The following LAMA1 variants were observed in gnomAD, a reference collection of about 807,000 sequenced individuals.
LAMA1 encodes laminin subunit alpha-1.
In LAMA1, 219 loss-of-function variants were observed where a neutral mutation model predicts 348.7. The observed-to-expected ratio is 0.63, with a 90% confidence interval of 0.56 to 0.70. The LOEUF (loss-of-function observed/expected upper bound fraction) is 0.70. LAMA1 is among the 30% of genes least tolerant of loss of function. LAMA1 has a pLI of 0.00. For missense variants in LAMA1, 3,744 were observed against 3,888.0 expected (o/e 0.96, Z 0.99); for synonymous variants, 1,487 against 1,491.0 (o/e 1.00, Z 0.06).
chr18:7,071,079 T>C (rs1207616507), intron 3 of LAMA1, among the ~76,000 whole-genome samples: 1 of 152,144 alleles, frequency 6.6e-6, no homozygotes, highest in East Asian at 1.9e-4. Flanking sequence ...AAGAGGGAAT[T>C]GCAAGAGCTC....
rs2144107278 is a variant in LAMA1 at position 7,007,224 on chromosome 18, C to T, written c.4175G>A (p.Gly1392Glu). ...ACAAGGAGCAACCAGAGGGCGTGGT[C>T]CCCTGTCACTCCCTGCTGGGAGCTT... ...RGKLPAGSDRGPRPLVAPCVP... is the reference protein window; with the variant it reads ...RGKLPAGSDREPRPLVAPCVP... Residue 1392 changes from glycine to glutamate, a missense_variant, in exon 29 of 63, where the codon GGA becomes GAA. By Grantham distance (98) the Gly-to-Glu change is moderately conservative. This residue lies in a region of LAMA1 where 1,983 missense variants were observed against 1,934.3 expected (regional missense o/e 1.03). Coordinates refer to ENST00000389658, the MANE Select transcript of LAMA1 (RefSeq NM_005559.4). The T allele has an allele frequency of 6.2e-7, 1 of 1,614,108 alleles. No homozygotes were observed. Among genetic ancestry groups the T allele is most frequent in the Admixed American group, 1.7e-5 (1 of 60,012 alleles).
intron 48 of LAMA1, among the ~76,000 whole-genome samples, chr18:6,969,481 T>A (rs527288034): frequency 6.6e-6 from 1 of 152,352 alleles, no homozygotes; most frequent in African/African-American, 2.4e-5. Context: ...AACATGCTTA[T>A]TTTTTTAACT....
chr18:6,993,600 G>A, intron 35 of LAMA1, 41 bp downstream of exon 35: 1 of 1,347,652 alleles, frequency 7.4e-7, no homozygotes, highest in Non-Finnish European at 1.1e-6. Flanking sequence ...CTTCTTACTA[G>A]ATAAGCACAG....
At chr18:7,100,589 A>T (rs1244954690) in intron 1 of LAMA1, among the ~76,000 whole-genome samples, 3 of 152,170 alleles carry the variant, frequency 2.0e-5, no homozygotes. Flanking sequence ...TCAACTGATG[A>T]CTGAATAAAT....
intron 41 of LAMA1, 54 bp from the exon 42 acceptor site, chr18:6,980,691 C>T: frequency 9.9e-7 from 1 of 1,006,636 alleles, no homozygotes; most frequent in Non-Finnish European, 1.6e-6. Context: ...AAAAAGTTGC[C>T]TAGGCAACAG....
chr18:6,978,315 C>T lies in LAMA1; in HGVS notation c.6071G>A (p.Ser2024Asn). The change falls in exon 43 of 63, where the codon AGC (serine) becomes AAC (asparagine). Residue 2024 changes from serine to asparagine, a missense_variant. Physicochemically the swap from Ser to Asn is conservative, Grantham distance 46. Transcript: ENST00000389658. ...CAGCCCCGCCACGTCCCTCAGCGTG[C>T]TCACCGCGCTCTGGCTTGCAGACGT... ...LATSASQSAV[S>N]TLRDVAGLSQ... 2.5e-6 allele frequency: 4 copies of T among 1,614,250 alleles called. No homozygotes were observed. Among genetic ancestry groups the T allele is most frequent in the Non-Finnish European group, 3.4e-6 (4 of 1,180,046 alleles).
chr18:6,949,138 C>G lies in LAMA1; in HGVS notation c.8519G>C (p.Gly2840Ala). 1 of 1,614,172 alleles carries G rather than the reference C, an allele frequency of 6.2e-7. No homozygotes were observed. The highest frequency in any genetic ancestry group is 2.2e-5 in the East Asian group (1 of 44,884). ...LDVEGLFYLG[G>A]LPSQYQARKI... The stretch of plus-strand genomic sequence containing the variant: ...CCTGGCCTGGTACTGGGAGGGCAGG[C>G]CTCCTAGGTAGAACAAACCCTCCAC... The change falls in exon 59 of 63, where the codon GGC becomes GCC. Residue 2840 changes from glycine to alanine, a missense_variant. Physicochemically the swap from Gly to Ala is moderately conservative, Grantham distance 60 (BLOSUM62 0). Coordinates refer to ENST00000389658, the MANE Select transcript of LAMA1 (RefSeq NM_005559.4).
At chr18:7,083,515 T>G (rs1313151241) in intron 1 of LAMA1, among the ~76,000 whole-genome samples, 1 of 152,114 alleles carries the variant, frequency 6.6e-6, no homozygotes, top group African/African-American at 2.4e-5. Context: ...AAAGAAAGAT[T>G]GCTTTTTTAT....
rs775636047 is a variant in LAMA1, at chr18:6,980,663, C to T, written c.5891-26G>A. On this transcript the variant is annotated intron_variant, in intron 41 of 62. Transcript: ENST00000389658. ...CTATTTAAAGGGAGAAAAATGTTTC[C>T]TTTCAGGTTAGCCTACAAAAAAGTT... 39 of 1,475,802 alleles carry T rather than the reference C, an allele frequency of 2.6e-5. No individual in the cohort carries two copies. In the South Asian group the frequency reaches 3.0e-4, roughly 11 times the overall value. 91.4% of individuals were successfully genotyped at this position (1,475,802 alleles called of 1,614,324 possible). A position where few individuals can be genotyped will look rare whatever the true frequency, so the allele number is the denominator to read the frequency against.
chr18:7,023,429 C>T, intron 18 of LAMA1, 54 bp from the exon 19 acceptor site: 1 of 1,441,236 alleles, frequency 6.9e-7, no homozygotes, highest in Non-Finnish European at 9.8e-7. Context: ...TAAGGCCTTA[C>T]CGCACTATCC....
At chr18:7,015,099 C>G (rs927376856) in intron 22 of LAMA1, among the ~76,000 whole-genome samples, 7 of 152,152 alleles carry the variant, frequency 4.6e-5, no homozygotes, top group Non-Finnish European at 8.8e-5. Context: ...CTGCCCACCT[C>G]GGTCTCCCAA....
Position 7,010,255 on chromosome 18 carries a change from T to C in LAMA1, c.3818A>G (p.Asp1273Gly), listed in dbSNP as rs146775184. The C allele has an allele frequency of 2.5e-6, 4 of 1,614,210 alleles. No individual in the cohort carries two copies. Among genetic ancestry groups the C allele is most frequent in the Non-Finnish European group, 3.4e-6 (4 of 1,180,044 alleles). Residue 1273 changes from aspartate (D) to glycine (G), a missense_variant, in exon 26 of 63, where the codon GAT (aspartate) becomes GGT (glycine). This residue lies in a region of LAMA1 where 1,529 missense variants were observed against 1,689.4 expected (regional missense o/e 0.91). Transcript: ENST00000389658. ...GRIRKQVIYM[D>G]APAPENGVRQ... ...CACTCCATTCTCTGGGGCTGGTGCA[T>C]CCATGTAAATGACTTGCTTTCTGAT...
chr18:6,946,491 G>T (rs188259249), intron 61 of LAMA1, among the ~76,000 whole-genome samples: 1 of 152,000 alleles, frequency 6.6e-6, no homozygotes, highest in Non-Finnish European at 1.5e-5. Flanking sequence ...GAGGCGAGGC[G>T]GGCGGATCAC....
intron 1 of LAMA1, among the ~76,000 whole-genome samples, chr18:7,091,630 A>G (rs1470280893): frequency 6.6e-6 from 1 of 152,190 alleles, no homozygotes; most frequent in Non-Finnish European, 1.5e-5. Flanking sequence ...TTGTTTCACT[A>G]TCGCGGGGCA....
At chr18:6,969,721 G>C (rs890477831) in intron 48 of LAMA1, among the ~76,000 whole-genome samples, 1 of 152,110 alleles carries the variant, frequency 6.6e-6, no homozygotes, top group Admixed American at 6.5e-5. Context: ...AGCCAGTCTC[G>C]AGTTGGCAGG....
In LAMA1 at chr18:6,975,245, G is replaced by A. The variant is rs116439375; in HGVS notation, c.6490-209C>T. 6.5e-3 allele frequency among the ~76,000 whole-genome samples: 984 copies of A among 152,222 alleles called. 10 individuals carry two copies. Among genetic ancestry groups the A allele is most frequent in the African/African-American group, 0.022 (915 of 41,532 alleles). On this transcript the variant is annotated intron_variant, in intron 45 of 62. Coordinates refer to ENST00000389658, the MANE Select transcript of LAMA1 (RefSeq NM_005559.4). ...GACTCACAGCCCCGGGGACATTAGCGCCTCCCTGCGTGCCTGGCATGGCCC... is the reference window on the plus strand; with the variant it reads ...GACTCACAGCCCCGGGGACATTAGCACCTCCCTGCGTGCCTGGCATGGCCC...
intron 1 of LAMA1, among the ~76,000 whole-genome samples, chr18:7,100,799 C>A (rs2058288386): frequency 6.6e-6 from 1 of 152,138 alleles, no homozygotes; most frequent in South Asian, 2.1e-4. Context: ...CACTTGAGGT[C>A]AGGAGTTCTA....
At chr18:7,105,899 C>A (rs1236506057) in intron 1 of LAMA1, among the ~76,000 whole-genome samples, 2 of 152,170 alleles carry the variant, frequency 1.3e-5, no homozygotes, top group African/African-American at 4.8e-5. Flanking sequence ...TGTGGGGAAA[C>A]CCATTTAAAC....
chr18:6,962,975 C>T (rs552381758), intron 51 of LAMA1, among the ~76,000 whole-genome samples: 4 of 152,290 alleles, frequency 2.6e-5, no homozygotes, highest in South Asian at 4.1e-4. Flanking sequence ...ATGGAGACCA[C>T]TGAACATCTC....
Sources: allele counts gnomAD v4.1 joint callset (sites outside exome capture counted in the v4.1 genomes callset), GRCh38; gene constraint gnomAD v4.1.1; regional missense constraint gnomAD v4.1.1; transcripts MANE v1.5; gene names NCBI Gene and HGNC (gene_info 2026-07-23, HGNC 2026-07-21).